The following TUBB8 variants were observed in gnomAD, a reference collection of about 807,000 sequenced individuals.
The protein encoded by TUBB8 is tubulin beta 8 class VIII.
TUBB8 carries 25 observed loss-of-function variants against 33.7 expected under a neutral mutation model. The ratio of observed to expected loss-of-function variants is 0.74; its 90% CI spans 0.54 to 1.04. The LOEUF (loss-of-function observed/expected upper bound fraction) is 1.04. Among genes scored for constraint, TUBB8 ranks in the 50% least tolerant of loss-of-function variants. The pLI, the probability that TUBB8 is intolerant of heterozygous loss-of-function variation, is 0.00. For missense variants in TUBB8, 279 were observed against 608.0 expected (o/e 0.46, Z 5.69); for synonymous variants, 245 against 240.1 (o/e 1.02, Z -0.19).
At chr10:59,069 T>G (rs1834566530) in intron 1 of TUBB8, among the ~76,000 whole-genome samples, 1 of 152,236 alleles carries the variant, frequency 6.6e-6, no homozygotes, top group Non-Finnish European at 1.5e-5. Context: ...GTCTGTCATA[T>G]ATGACTTTTA....
chr10:52,018 C>T (rs1329455310), upstream of TUBB8, among the ~76,000 whole-genome samples: 4 of 152,188 alleles, frequency 2.6e-5, no homozygotes, highest in African/African-American at 4.8e-5. Flanking sequence ...GGACAAAGAG[C>T]ACAAGGTGGA....
At chr10:51,818 T>A (rs1159518068), upstream of TUBB8, among the ~76,000 whole-genome samples, 4 of 152,222 alleles carry the variant, frequency 2.6e-5, no homozygotes, top group African/African-American at 9.7e-5. Context: ...CTAATGTTAG[T>A]TTATTATCTT....
chr10:48,342 G>A (rs1420401813), intron 3 of TUBB8: 2 of 632,622 alleles, frequency 3.2e-6, no homozygotes, highest in African/African-American at 3.7e-5. Flanking sequence ...CGCTGCAGGT[G>A]GCTCCTGCCC....
chr10:76,494 C>T (rs1554743246), upstream of TUBB8, among the ~76,000 whole-genome samples: 1 of 152,160 alleles, frequency 6.6e-6, no homozygotes, highest in East Asian at 1.9e-4. Flanking sequence ...CCAGGTGTCC[C>T]GGAGCGTCTC....
At chr10:71,213 G>A (rs1316541842) in intron 1 of TUBB8, among the ~76,000 whole-genome samples, 4 of 152,142 alleles carry the variant, frequency 2.6e-5, no homozygotes, top group African/African-American at 9.7e-5. Context: ...TACTTGGGAG[G>A]CTGAGGCAGG....
Position 72,809 on chromosome 10 carries a change from G to A in TUBB8, c.-846+1160C>T, listed in dbSNP as rs1241253290. Among the ~76,000 whole-genome samples, 15 of 150,184 alleles carry A rather than the reference G, an allele frequency of 1.0e-4. No individual in the cohort carries two copies. In the East Asian group the frequency reaches 2.2e-3, roughly 22 times the overall value. On this transcript the variant is annotated intron_variant, in intron 1 of 3. Coordinates refer to the TUBB8 transcript ENST00000564130. ...GGAGGTTACAGCGAGCTGAGCTCAC[G>A]CCACTGCACTCCAGCCTGGGAGACA...
chr10:67,634 C>T lies in TUBB8; in HGVS notation c.-846+6335G>A, dbSNP rs182720087. 2.6e-5 allele frequency among the ~76,000 whole-genome samples: 4 copies of T among 152,266 alleles called. No individual in the cohort carries two copies. The East Asian group carries it at 7.7e-4, about 29-fold the overall frequency. ...ACAGACGGGGTTTCACCGTGTTAGC[C>T]AGGATGGTATTGATCTCCTGACCTC... On this transcript the variant is annotated intron_variant, in intron 1 of 3. Coordinates refer to the TUBB8 transcript ENST00000564130.
chr10:53,992 T>G (rs868988594), upstream of TUBB8, among the ~76,000 whole-genome samples: 12,647 of 106,732 alleles, frequency 0.12, no homozygotes, highest in Admixed American at 0.18. Context: ...TAATACACAA[T>G]AAAAAACAGG....
intron 1 of TUBB8, among the ~76,000 whole-genome samples, chr10:56,293 T>C (rs1286103257): frequency 5.3e-5 from 8 of 152,232 alleles, no homozygotes; most frequent in African/African-American, 9.6e-5. Flanking sequence ...TGTTGGCATA[T>C]AGAAATCCTA....
intron 1 of TUBB8, among the ~76,000 whole-genome samples, chr10:72,179 C>T (rs147254794): frequency 0.25 from 36,966 of 145,020 alleles, 4,491 homozygotes; most frequent in Non-Finnish European, 0.35. Flanking sequence ...GAGCCAAGAT[C>T]GGGACATTGC....
At chr10:48,541 T>C (rs1554738751) in intron 3 of TUBB8, 74 bp downstream of exon 3, 1 of 1,408,550 alleles carries the variant, frequency 7.1e-7, no homozygotes, top group Admixed American at 1.7e-5. Context: ...TCCCAGAGGA[T>C]GACCTTAGCA....
chr10:51,955 CA>C (rs1564207170), upstream of TUBB8, among the ~76,000 whole-genome samples: 1 of 152,188 alleles, frequency 6.6e-6, no homozygotes, highest in Non-Finnish European at 1.5e-5. Context: ...CAGGCTACTG[CA>C]AAACGGAGGC....
At chr10:49,329 G>T (rs1588273113), upstream of TUBB8, 1 of 1,341,110 alleles carries the variant, frequency 7.5e-7, no homozygotes, top group Non-Finnish European at 1.0e-6. Context: ...CGTTTAAATA[G>T]CCCCGCGCCC....
chr10:48,151 T>C (rs782718560), intron 3 of TUBB8, 37 bp from the exon 4 acceptor site: 5 of 1,280,922 alleles, frequency 3.9e-6, no homozygotes, highest in Non-Finnish European at 5.6e-6. Context: ...GACGGCCAGG[T>C]ATACGGTCAT....
chr10:52,807 T>C (rs1834485322), upstream of TUBB8, among the ~76,000 whole-genome samples: 1 of 152,246 alleles, frequency 6.6e-6, no homozygotes, highest in Non-Finnish European at 1.5e-5. Context: ...ATTAACCTTC[T>C]AGATGCCTTG....
upstream of TUBB8, among the ~76,000 whole-genome samples, chr10:76,455 G>C (rs1185952105): frequency 1.3e-5 from 2 of 152,200 alleles, no homozygotes; most frequent in Non-Finnish European, 2.9e-5. Context: ...GCGGCAGGAA[G>C]CCTTTTTCTC....
intron 1 of TUBB8, among the ~76,000 whole-genome samples, chr10:62,223 T>G (rs1834611799): frequency 6.6e-6 from 1 of 152,254 alleles, no homozygotes; most frequent in African/African-American, 2.4e-5. Context: ...TTTAATATTA[T>G]CTAATTTATT....
At chr10:58,329 C>T (rs78520835) in intron 1 of TUBB8, among the ~76,000 whole-genome samples, 1 of 152,230 alleles carries the variant, frequency 6.6e-6, no homozygotes, top group African/African-American at 2.4e-5. Context: ...CTCTTCCAAC[C>T]TCTGCCTGTT....
At chr10:59,930 C>T (rs1371914706) in intron 1 of TUBB8, among the ~76,000 whole-genome samples, 8 of 152,012 alleles carry the variant, frequency 5.3e-5, no homozygotes, top group Non-Finnish European at 1.0e-4. Flanking sequence ...CTTATAGTAG[C>T]CACTAATGAT....
Sources: gnomAD v4.1 joint callset for allele counts (sites outside exome capture counted in the v4.1 genomes callset) on GRCh38, gnomAD v4.1.1 for gene constraint, MANE v1.5 for transcripts, NCBI Gene and HGNC (gene_info 2026-07-23, HGNC 2026-07-21) for gene names.